Variants in SLC2A9 observed in about 807,000 individuals in gnomAD.
SLC2A9 encodes the protein solute carrier family 2, facilitated glucose transporter member 9.
SLC2A9 carries 39 observed loss-of-function variants against 50.6 expected under a neutral mutation model. The observed-to-expected ratio is 0.77, with a 90% CI of 0.60 to 1.01. SLC2A9 has a LOEUF of 1.01. Ranked by LOEUF, SLC2A9 falls within the 50% of genes least tolerant of loss-of-function variation. SLC2A9 has a pLI of 0.00. For synonymous variants in SLC2A9, 324 were observed against 276.9 expected (o/e 1.17, Z -1.69); for missense variants, 686 against 677.6 (o/e 1.01, Z -0.14).
intron 10 of SLC2A9, among the ~76,000 whole-genome samples, chr4:9,856,889 C>T (rs968079612): frequency 2.6e-5 from 4 of 152,096 alleles, no homozygotes. Context: ...CACATGTTCT[C>T]AATTATAAGT....
At chr4:9,901,110 TCTGGGGATG>T (rs1347725850) in intron 8 of SLC2A9, among the ~76,000 whole-genome samples, 15 of 152,194 alleles carry the variant, frequency 9.9e-5, no homozygotes, top group Non-Finnish European at 5.9e-5. Context: ...ACTTCTCAGA[TCTGGGGATG>T]CCACCCAGCT....
intron 10 of SLC2A9, chr4:9,879,999 C>T: frequency 1.0e-6 from 1 of 985,420 alleles, no homozygotes; most frequent in Non-Finnish European, 1.2e-6. Context: ...CTCAGGCGGC[C>T]TCCTGGCCCT....
At chr4:10,016,807 A>T (rs1762687344) in intron 2 of SLC2A9, among the ~76,000 whole-genome samples, 1 of 152,090 alleles carries the variant, frequency 6.6e-6, no homozygotes, top group Non-Finnish European at 1.5e-5. Context: ...AAAAAATGTG[A>T]GTTGCAAACC....
At chr4:9,940,927 T>C (rs1384873737) in intron 6 of SLC2A9, among the ~76,000 whole-genome samples, 4 of 152,228 alleles carry the variant, frequency 2.6e-5, no homozygotes, top group African/African-American at 9.6e-5. Context: ...GTAATAATGA[T>C]AGCAGATAAT....
intron 1 of SLC2A9, among the ~76,000 whole-genome samples, chr4:9,773,051 G>T (rs973273925): frequency 1.3e-5 from 2 of 152,134 alleles, no homozygotes; most frequent in African/African-American, 2.4e-5. Context: ...CCATCCTTCT[G>T]CCTCTGTCTA....
At chr4:9,865,110 C>T (rs1312759009) in intron 10 of SLC2A9, among the ~76,000 whole-genome samples, 1 of 152,248 alleles carries the variant, frequency 6.6e-6, no homozygotes, top group African/African-American at 2.4e-5. Context: ...GCCTATGCTT[C>T]TTCCAAAACA....
At chr4:9,893,096 G>A (rs772970502) in intron 8 of SLC2A9, among the ~76,000 whole-genome samples, 1 of 152,170 alleles carries the variant, frequency 6.6e-6, no homozygotes, top group Non-Finnish European at 1.5e-5. Context: ...TTCTGTTGTT[G>A]TGACATTACA....
At chr4:9,956,035 G>A (rs1159691632) in intron 5 of SLC2A9, among the ~76,000 whole-genome samples, 2 of 151,564 alleles carry the variant, frequency 1.3e-5, no homozygotes, top group Non-Finnish European at 2.9e-5. Context: ...CCACCACCAT[G>A]CCCGGCTAAT....
rs1426765608 is a variant in SLC2A9, at chr4:10,019,012, T to C, written c.212A>G (p.Tyr71Cys). 7 of 1,549,390 alleles carry C rather than the reference T, an allele frequency of 4.5e-6. No individual in the cohort carries two copies. Among genetic ancestry groups the C allele is most frequent in the South Asian group, 1.2e-5 (1 of 83,922 alleles). The change falls in exon 2 of 12, where the codon TAC (tyrosine) becomes TGC (cysteine). Residue 71 changes from tyrosine (Y) to cysteine (C), a missense_variant. By Grantham distance (194) the Tyr-to-Cys change is radical. Transcript: ENST00000264784. Reference sequence around the variant, plus strand: ...ATTCACCACCGACAGGTTGTAGCCGTAGAGGAAGGAGGAGCCGAAGGCGCC... The same window carrying C: ...ATTCACCACCGACAGGTTGTAGCCGCAGAGGAAGGAGGAGCCGAAGGCGCC... ...LAGAFGSSFL[Y>C]GYNLSVVNAP... is the part of the protein sequence containing the mutation.
chr4:10,031,780 G>A (rs1450208310), intron 1 of SLC2A9, among the ~76,000 whole-genome samples: 1 of 152,208 alleles, frequency 6.6e-6, no homozygotes, highest in Non-Finnish European at 1.5e-5. Context: ...GGAGAAGGAT[G>A]TCCCATGTCC....
At chr4:9,773,549 G>A (rs1408622431) in intron 1 of SLC2A9, among the ~76,000 whole-genome samples, 2 of 152,224 alleles carry the variant, frequency 1.3e-5, no homozygotes, top group Admixed American at 6.5e-5. Flanking sequence ...AGGAAAACTC[G>A]CTTTGTGCTA....
At chr4:9,803,607 T>C (rs917711157) in intron 3 of SLC2A9, among the ~76,000 whole-genome samples, 1 of 152,190 alleles carries the variant, frequency 6.6e-6, no homozygotes, top group African/African-American at 2.4e-5. Context: ...GAAACCTTCA[T>C]TGACAGCTAT....
intron 7 of SLC2A9, among the ~76,000 whole-genome samples, chr4:9,912,433 G>C (rs902273527): frequency 1.3e-5 from 2 of 152,128 alleles, no homozygotes; most frequent in African/African-American, 4.8e-5. Flanking sequence ...TGGGGGTAAG[G>C]GCAGCAGGAA....
chr4:9,917,424 C>T (rs760277574), intron 7 of SLC2A9, among the ~76,000 whole-genome samples: 3 of 147,938 alleles, frequency 2.0e-5, no homozygotes, highest in Non-Finnish European at 3.0e-5. Context: ...CCTCCGCCTC[C>T]CAGGTTCCAG....
chr4:9,918,051 G>A (rs1407553166), intron 7 of SLC2A9, among the ~76,000 whole-genome samples: 1 of 152,028 alleles, frequency 6.6e-6, no homozygotes, highest in African/African-American at 2.4e-5. Context: ...CTGACCCTCT[G>A]TGAGTCACAC....
intron 6 of SLC2A9, among the ~76,000 whole-genome samples, chr4:9,925,307 TC>T (rs1387223367): frequency 1.3e-5 from 2 of 152,170 alleles, no homozygotes; most frequent in African/African-American, 4.8e-5. Flanking sequence ...TACCCTCTCA[TC>T]CGGGTCGCTC....
In SLC2A9 at chr4:9,956,269, G is replaced by C. The variant is rs548163737; in HGVS notation, c.682-14224C>G. ...GAGGCCAAGGCAGGTGGATCACAAAGTCAGGAGATCGAGACCATCCTGGCT... is the reference window on the plus strand; with the variant it reads ...GAGGCCAAGGCAGGTGGATCACAAACTCAGGAGATCGAGACCATCCTGGCT... On this transcript the variant is annotated intron_variant, in intron 5 of 11. Transcript: ENST00000264784. 1.2e-4 allele frequency among the ~76,000 whole-genome samples: 18 copies of C among 151,944 alleles called. No individual in the cohort carries two copies. In the South Asian group the frequency reaches 3.5e-3, roughly 30 times the overall value.
intron 5 of SLC2A9, among the ~76,000 whole-genome samples, chr4:9,967,771 A>T (rs987086288): frequency 1.3e-5 from 2 of 151,846 alleles, no homozygotes; most frequent in Non-Finnish European, 2.9e-5. Flanking sequence ...TGCCTGGTAA[A>T]TGTTTTTTCC....
intron 10 of SLC2A9, among the ~76,000 whole-genome samples, chr4:9,848,101 T>A (rs1443862062): frequency 1.3e-5 from 2 of 152,172 alleles, no homozygotes; most frequent in Admixed American, 6.5e-5. Context: ...CCTGATTGAC[T>A]GCTCTACTGT....
Sources: allele counts gnomAD v4.1 joint callset (sites outside exome capture counted in the v4.1 genomes callset), GRCh38; gene constraint gnomAD v4.1.1; transcripts MANE v1.5; gene names NCBI Gene and HGNC (gene_info 2026-07-23, HGNC 2026-07-21).